PIP5K1C: variants seen among roughly 807,000 people sequenced by gnomAD.
The protein encoded by PIP5K1C is phosphatidylinositol-4-phosphate 5-kinase type 1 gamma, also known as phosphatidylinositol 4-phosphate 5-kinase type-1 gamma.
Under a neutral mutation model 80.1 loss-of-function variants are expected in PIP5K1C, and 45 were observed. The observed-to-expected ratio is 0.56, with a 90% CI of 0.44 to 0.72. PIP5K1C has a LOEUF of 0.72. PIP5K1C is among the 30% of genes least tolerant of loss of function. The pLI is 0.00. For missense variants in PIP5K1C, 753 were observed against 954.6 expected (o/e 0.79, Z 2.78); for synonymous variants, 498 against 420.1 (o/e 1.19, Z -2.27).
At chr19:3,662,499 T>G (rs1015456445) in intron 3 of PIP5K1C, among the ~76,000 whole-genome samples, 56 of 152,328 alleles carry the variant, frequency 3.7e-4, no homozygotes, top group African/African-American at 1.3e-3. Context: ...TTTCCCTGCC[T>G]GTAGACAGGG....
At chr19:3,659,098 C>T (rs764368753) in intron 5 of PIP5K1C, among the ~76,000 whole-genome samples, 37 of 152,296 alleles carry the variant, frequency 2.4e-4, no homozygotes, top group Admixed American at 6.5e-4. Context: ...GGGACTGTGA[C>T]CTCAGCTGTC....
At chr19:3,652,160 G>T in intron 7 of PIP5K1C, 129 bp from the exon 8 acceptor site, 1 of 762,002 alleles carries the variant, frequency 1.3e-6, no homozygotes, top group Non-Finnish European at 2.2e-6. Context: ...GAGTCCCACG[G>T]CCAGGCAGGA....
Position 3,688,033 on chromosome 19 carries a change from G to A in PIP5K1C, c.94+12264C>T, listed in dbSNP as rs1172317356. On this transcript the variant is annotated intron_variant, in intron 1 of 17. Coordinates refer to ENST00000335312, the MANE Select transcript of PIP5K1C (RefSeq NM_012398.3). The surrounding 1 kb of genome is among the most constrained non-coding windows in gnomAD (Gnocchi z 5.3). ...GGGGCGTGGCCAGCCCGCAGGTGGC[G>A]GGGCCGACGGGATGGGTCAGGGTGC... is the stretch of plus-strand genomic sequence containing the variant. Among the ~76,000 whole-genome samples the A allele has an allele frequency of 2.0e-5, 3 of 152,162 alleles. No homozygotes were observed. The highest frequency in any genetic ancestry group is 6.5e-5 in the Admixed American group (1 of 15,290).
chr19:3,692,559 G>A lies in PIP5K1C; in HGVS notation c.94+7738C>T, dbSNP rs140935634. ...GCTTCCAAAATCCATCCCAGATGGC[G>A]CACTGCTCATGGTCCCCACCTGGCC... On this transcript the variant is annotated intron_variant, in intron 1 of 17. Transcript: ENST00000335312. The surrounding 1 kb of genome is among the most constrained non-coding windows in gnomAD (Gnocchi z 5.2). Among the ~76,000 whole-genome samples the A allele has an allele frequency of 2.2e-4, 33 of 152,206 alleles. No individual in the cohort carries two copies. The highest frequency in any genetic ancestry group is 4.3e-4 in the Non-Finnish European group (29 of 67,988).
At chr19:3,657,585 A>G (rs1415757084) in intron 5 of PIP5K1C, among the ~76,000 whole-genome samples, 4 of 152,076 alleles carry the variant, frequency 2.6e-5, no homozygotes, top group Non-Finnish European at 5.9e-5. Context: ...CTGCTGTGAT[A>G]AACAGGTGGG....
intron 1 of PIP5K1C, among the ~76,000 whole-genome samples, chr19:3,675,393 G>A (rs926490133): frequency 2.0e-5 from 3 of 152,144 alleles, no homozygotes; most frequent in Non-Finnish European, 4.4e-5. Context: ...GAGGTTGGGG[G>A]ACTTGGTCAA....
chr19:3,658,477 T>G (rs1308894549), intron 5 of PIP5K1C, among the ~76,000 whole-genome samples: 1 of 152,214 alleles, frequency 6.6e-6, no homozygotes, highest in Non-Finnish European at 1.5e-5. Flanking sequence ...ACGCGGCTCC[T>G]CCGCCTTCCC....
At position 3,644,102 on chromosome 19, in the gene PIP5K1C, T is replaced by C. The variant is rs768863337; in HGVS notation, c.1495A>G (p.Thr499Ala). ...TGCCCCTCACCTTCGTCCTCCAGCG[T>C]GGGGTAGCTGCGGGCCCCCCGCAGG... ...YDLRGARSYP[T>A]LEDEGRPDLL... The change falls in exon 12 of 18, where the codon ACG becomes GCG. Residue 499 changes from threonine (T) to alanine (A), a missense_variant. This residue lies in a region of PIP5K1C where 315 missense variants were observed against 294.5 expected (regional missense o/e 1.07). Transcript: ENST00000335312. 1 of 1,611,152 alleles carries C rather than the reference T, an allele frequency of 6.2e-7. No individual in the cohort carries two copies. Among genetic ancestry groups the C allele is most frequent in the South Asian group, 1.1e-5 (1 of 91,046 alleles).
At position 3,644,187 on chromosome 19, in the gene PIP5K1C, C is replaced by A. The variant is rs1489523005; in HGVS notation, c.1410G>T (p.Gly470=). 1.2e-6 allele frequency: 2 copies of A among 1,612,302 alleles called. No homozygotes were observed. The highest frequency in any genetic ancestry group is 1.1e-5 in the South Asian group (1 of 91,080). ...GGALLAVKPL[G]PTAAFSASQI... ...GGCTGGCCGAGAAGGCAGCGGTGGG[C>A]CCCAGCGGTTTCACAGCTAGCAAGG... Residue 470 remains glycine (G), a synonymous_variant, in exon 12 of 18, where the codon GGG becomes GGT. Coordinates refer to ENST00000335312, the MANE Select transcript of PIP5K1C (RefSeq NM_012398.3).
chr19:3,693,564 G>C (rs939159504), intron 1 of PIP5K1C, among the ~76,000 whole-genome samples: 13 of 152,288 alleles, frequency 8.5e-5, no homozygotes, highest in African/African-American at 2.9e-4. Flanking sequence ...ATGCTGCCGG[G>C]GCCAGGCGGC....
In PIP5K1C at chr19:3,661,085, T is replaced by C; in HGVS notation, c.351-2A>G. ...GCGGGGGTGAGGTTGCTGCCTTCGC[T>C]GTGGAGGAAGGACGGGAGGAAACCT... On this transcript the variant is annotated splice_acceptor_variant, in intron 4 of 17. Coordinates refer to ENST00000335312, the MANE Select transcript of PIP5K1C (RefSeq NM_012398.3). LOFTEE classifies it high-confidence loss of function. 3 of 1,610,602 alleles carry C rather than the reference T, an allele frequency of 1.9e-6. No homozygotes were observed. Among genetic ancestry groups the C allele is most frequent in the Non-Finnish European group, 2.5e-6 (3 of 1,177,132 alleles).
At chr19:3,679,385 C>T (rs1032860836) in intron 1 of PIP5K1C, among the ~76,000 whole-genome samples, 2 of 152,170 alleles carry the variant, frequency 1.3e-5, no homozygotes, top group African/African-American at 4.8e-5. Context: ...CCTGTCCTCC[C>T]GTTTGGGTCT....
intron 15 of PIP5K1C, 92 bp downstream of exon 15, chr19:3,641,613 G>C: frequency 1.1e-6 from 1 of 891,364 alleles, no homozygotes; most frequent in Non-Finnish European, 1.8e-6. Flanking sequence ...TAGTAAGAAA[G>C]AACTGCTTCA....
At chr19:3,672,442 CG>C (rs1385551326) in intron 1 of PIP5K1C, 1 of 152,400 alleles carries the variant, frequency 6.6e-6, no homozygotes, top group Admixed American at 6.5e-5. Flanking sequence ...ACAGCATGGG[CG>C]TGTTTGTTGA....
chr19:3,636,501 C>T (rs368288425), intron 16 of PIP5K1C: 10 of 985,448 alleles, frequency 1.0e-5, no homozygotes, highest in African/African-American at 3.5e-5. Flanking sequence ...GCGGCCTCTG[C>T]GAACTGCTCC....
chr19:3,684,123 T>G (rs915491659), intron 1 of PIP5K1C, among the ~76,000 whole-genome samples: 1 of 152,138 alleles, frequency 6.6e-6, no homozygotes, highest in Non-Finnish European at 1.5e-5. Context: ...GGCCTCTGTG[T>G]CACCCACTGG....
chr19:3,652,607 G>C (rs1457032651), intron 7 of PIP5K1C, among the ~76,000 whole-genome samples: 1 of 152,200 alleles, frequency 6.6e-6, no homozygotes, highest in Non-Finnish European at 1.5e-5. Context: ...AAGCTGCCGG[G>C]GTGGGACGGG....
chr19:3,697,276 A>G (rs2036149454), intron 1 of PIP5K1C, among the ~76,000 whole-genome samples: 1 of 130,810 alleles, frequency 7.6e-6, no homozygotes, highest in South Asian at 2.7e-4. Context: ...GAGGAGGACC[A>G]AGCCGGATAG....
At chr19:3,677,061 C>A (rs770575056) in intron 1 of PIP5K1C, among the ~76,000 whole-genome samples, 7 of 151,864 alleles carry the variant, frequency 4.6e-5, no homozygotes, top group Non-Finnish European at 8.8e-5. Flanking sequence ...ATGACTGCAC[C>A]ACTGCACTCT....
Sources: allele counts gnomAD v4.1 joint callset (sites outside exome capture counted in the v4.1 genomes callset), GRCh38; gene constraint gnomAD v4.1.1; regional missense constraint gnomAD v4.1.1; non-coding constraint Gnocchi (gnomAD v3.1); transcripts MANE v1.5; gene names NCBI Gene and HGNC (gene_info 2026-07-23, HGNC 2026-07-21).